The following SGPL1 variants were observed in gnomAD, a reference collection of about 807,000 sequenced individuals.
The protein encoded by SGPL1 is sphingosine-1-phosphate lyase 1, also known as SP-lyase 1.
A neutral mutation model predicts 68.9 loss-of-function variants in SGPL1; 37 were observed. The observed-to-expected ratio is 0.54, with a 90% CI of 0.41 to 0.71. The LOEUF (loss-of-function observed/expected upper bound fraction) is 0.71, where lower values mean the gene tolerates loss of function less well. Among genes scored for constraint, SGPL1 ranks in the 30% least tolerant of loss-of-function variants. SGPL1 has a pLI of 0.00. For missense variants in SGPL1, 551 were observed against 704.6 expected, an observed-to-expected ratio of 0.78 and a Z score of 2.47; for synonymous variants, 236 against 248.5, an observed-to-expected ratio of 0.95 and a Z score of 0.47.
At chr10:70,847,782 T>A (rs1277801327) in intron 3 of SGPL1, among the ~76,000 whole-genome samples, 1 of 152,232 alleles carries the variant, frequency 6.6e-6, no homozygotes, top group Non-Finnish European at 1.5e-5. Flanking sequence ...ATATTCATTT[T>A]TTTTAGCACT....
intron 7 of SGPL1, 82 bp downstream of exon 7, chr10:70,859,581 TA>T: frequency 1.5e-6 from 1 of 649,276 alleles, no homozygotes; most frequent in Non-Finnish European, 2.0e-6. Flanking sequence ...AATTATATTT[TA>T]AAAAATAAAA....
chr10:70,873,170 T>G (rs1245651597), intron 11 of SGPL1, among the ~76,000 whole-genome samples, 181 bp from the exon 12 acceptor site: 1 of 152,220 alleles, frequency 6.6e-6, no homozygotes, highest in Non-Finnish European at 1.5e-5. Flanking sequence ...GAATTTAAAC[T>G]CCATCCCTTA....
At chr10:70,869,566 C>G (rs1198188919) in intron 8 of SGPL1, 2 of 436,520 alleles carry the variant, frequency 4.6e-6, no homozygotes, top group African/African-American at 4.1e-5. Flanking sequence ...GAGTCCTCTT[C>G]CTATTGCCAG....
chr10:70,859,310 G>A (rs913686442), intron 6 of SGPL1, 61 bp from the exon 7 acceptor site: 3 of 1,243,150 alleles, frequency 2.4e-6, no homozygotes, highest in Non-Finnish European at 3.1e-6. Flanking sequence ...TTTAGTGCAT[G>A]ATTCTTTGTC....
chr10:70,860,188 T>C (rs1003510414), intron 7 of SGPL1, among the ~76,000 whole-genome samples: 1 of 152,228 alleles, frequency 6.6e-6, no homozygotes, highest in African/African-American at 2.4e-5. Flanking sequence ...GATAAACTTC[T>C]GTTTAGATCT....
At chr10:70,841,135 C>G (rs1460403438) in intron 2 of SGPL1, among the ~76,000 whole-genome samples, 4 of 151,904 alleles carry the variant, frequency 2.6e-5, no homozygotes, top group African/African-American at 9.7e-5. Flanking sequence ...CTGGTCTTTC[C>G]CAGGTTTTGG....
intron 2 of SGPL1, among the ~76,000 whole-genome samples, chr10:70,832,110 A>G (rs1017480115): frequency 6.6e-6 from 1 of 152,234 alleles, no homozygotes; most frequent in African/African-American, 2.4e-5. Flanking sequence ...TTTCCTGCTC[A>G]CTTTCAATAG....
At chr10:70,826,996 C>T (rs1845448460) in intron 2 of SGPL1, among the ~76,000 whole-genome samples, 2 of 152,050 alleles carry the variant, frequency 1.3e-5, no homozygotes, top group Non-Finnish European at 2.9e-5. Context: ...TATGAGCGTT[C>T]TTATATAACA....
Position 70,846,295 on chromosome 10 carries a change from G to A in SGPL1, c.193+1657G>A, listed in dbSNP as rs534043492. On this transcript the variant is annotated intron_variant, in intron 3 of 14. Coordinates refer to ENST00000373202, the MANE Select transcript of SGPL1 (RefSeq NM_003901.4). ...TCTGCTCTTGCTTATTCCTTTCCTAGGAAGTATTCAATTCAGTGAGTAAGG... is the reference window on the plus strand; with the variant it reads ...TCTGCTCTTGCTTATTCCTTTCCTAAGAAGTATTCAATTCAGTGAGTAAGG... 3.3e-5 allele frequency among the ~76,000 whole-genome samples: 5 copies of A among 152,072 alleles called. No individual in the cohort carries two copies. The East Asian group carries it at 9.7e-4, about 29-fold the overall frequency.
At chr10:70,872,761 G>A (rs555740442) in intron 11 of SGPL1, among the ~76,000 whole-genome samples, 1 of 152,220 alleles carries the variant, frequency 6.6e-6, no homozygotes, top group East Asian at 1.9e-4. Context: ...TCCATTTCTG[G>A]ATGGTTCAGG....
intron 2 of SGPL1, among the ~76,000 whole-genome samples, chr10:70,825,740 T>C (rs1260838964): frequency 6.6e-6 from 1 of 152,142 alleles, no homozygotes; most frequent in African/African-American, 2.4e-5. Flanking sequence ...TCTCAGGGGG[T>C]TCTTTCCACT....
In SGPL1 at chr10:70,865,624, G is replaced by A. The variant is rs530484144; in HGVS notation, c.616-2721G>A. ...AGAGTTCACTGTTCAGAGGTGGGAA[G>A]CCAGAAGATAAAACCAAATGGCTGG... On this transcript the variant is annotated intron_variant, in intron 7 of 14. Transcript: ENST00000373202. 3.9e-5 allele frequency among the ~76,000 whole-genome samples: 6 copies of A among 152,368 alleles called. No homozygotes were observed. The East Asian group carries it at 1.2e-3, about 29-fold the overall frequency.
At chr10:70,849,517 T>C (rs901579338) in intron 3 of SGPL1, among the ~76,000 whole-genome samples, 5 of 152,270 alleles carry the variant, frequency 3.3e-5, no homozygotes, top group Non-Finnish European at 7.3e-5. Context: ...CTTTGTCTTC[T>C]TATTCAGTCT....
chr10:70,826,625 G>A (rs1343690265), intron 2 of SGPL1, among the ~76,000 whole-genome samples: 1 of 152,120 alleles, frequency 6.6e-6, no homozygotes, highest in East Asian at 1.9e-4. Context: ...CTAACTCTAC[G>A]CTTCACCCTG....
intron 2 of SGPL1, among the ~76,000 whole-genome samples, chr10:70,818,317 G>A (rs1179401281): frequency 6.6e-6 from 1 of 151,990 alleles, no homozygotes; most frequent in African/African-American, 2.4e-5. Flanking sequence ...ATGGGGTTTC[G>A]CCGTGTTAGC....
chr10:70,841,256 C>T (rs1845709431), intron 2 of SGPL1, among the ~76,000 whole-genome samples: 1 of 152,078 alleles, frequency 6.6e-6, no homozygotes, highest in Admixed American at 6.6e-5. Flanking sequence ...ATGGGTAGCC[C>T]TCCAGGGAAC....
chr10:70,880,657 G>T lies in SGPL1; in HGVS notation c.*3322G>T, dbSNP rs372624118. 14 of 152,174 alleles carry T rather than the reference G, an allele frequency of 9.2e-5. No homozygotes were observed. The highest frequency in any genetic ancestry group is 3.4e-4 in the African/African-American group (14 of 41,436). 9.4% of individuals were successfully genotyped at this position (152,174 alleles called of 1,614,324 possible). On this transcript the variant is annotated 3_prime_UTR_variant, in exon 15 of 15. Coordinates refer to ENST00000373202, the MANE Select transcript of SGPL1 (RefSeq NM_003901.4). ...AAGAAACGAGAAGTTTTTCCAAAGT[G>T]TTAGTCAGGATCTGAAGGCTGTCAT...
chr10:70,868,254 T>C, intron 7 of SGPL1, 91 bp from the exon 8 acceptor site: 1 of 914,886 alleles, frequency 1.1e-6, no homozygotes, highest in Non-Finnish European at 1.7e-6. Flanking sequence ...AGACCTTATC[T>C]GTTTCTGTAT....
intron 2 of SGPL1, among the ~76,000 whole-genome samples, chr10:70,839,771 A>C (rs1845687596): frequency 6.6e-6 from 1 of 152,134 alleles, no homozygotes. Flanking sequence ...AATTATAATC[A>C]CATGAACTTC....
Sources: allele counts gnomAD v4.1 joint callset (sites outside exome capture counted in the v4.1 genomes callset), GRCh38; gene constraint gnomAD v4.1.1; transcripts MANE v1.5; gene names NCBI Gene and HGNC (gene_info 2026-07-23, HGNC 2026-07-21).